EDNRB: variants seen among roughly 807,000 people sequenced by gnomAD.
EDNRB encodes the protein Hirschsprung disease 2.
In EDNRB, 18 loss-of-function variants were observed where a neutral mutation model predicts 46.4. The observed-to-expected ratio is 0.39, with a 90% CI of 0.27 to 0.57. The LOEUF is 0.57. Among genes scored for constraint, EDNRB ranks in the 20% least tolerant of loss-of-function variants. The pLI, the probability that EDNRB is intolerant of heterozygous loss-of-function variation, is 0.61. For synonymous variants in EDNRB, 213 were observed against 204.9 expected (o/e 1.04, Z -0.34); for missense variants, 434 against 537.5 (o/e 0.81, Z 1.90).
At chr13:77,917,413 T>G (rs576454995) in intron 1 of EDNRB, among the ~76,000 whole-genome samples, 1 of 152,334 alleles carries the variant, frequency 6.6e-6, no homozygotes, top group East Asian at 1.9e-4. Flanking sequence ...TGGATCTCTT[T>G]TTTCCAGGCC....
At chr13:77,962,608 A>T (rs139533499) in intron 1 of EDNRB, among the ~76,000 whole-genome samples, 2,172 of 152,314 alleles carry the variant, frequency 0.014, 44 homozygotes, top group East Asian at 0.024. Flanking sequence ...TTAGGTATTG[A>T]TGGGACATAT....
Position 77,896,726 on chromosome 13 carries a change from C to T in EDNRB, c.*1474G>A, listed in dbSNP as rs886050322. On this transcript the variant is annotated 3_prime_UTR_variant, in exon 7 of 7. Transcript: ENST00000646607. Reference sequence around the variant, plus strand: ...TGACGAGGCAATGACGAACGTTAGGCTAAGAATGGGAATCTGTCCCCATGG... The same window carrying T: ...TGACGAGGCAATGACGAACGTTAGGTTAAGAATGGGAATCTGTCCCCATGG... 1.8e-5 allele frequency: 25 copies of T among 1,394,034 alleles called. No individual in the cohort carries two copies. The highest frequency in any genetic ancestry group is 2.8e-5 in the East Asian group (1 of 35,944). 86.4% of individuals were successfully genotyped at this position (1,394,034 alleles called of 1,614,324 possible).
intron 1 of EDNRB, among the ~76,000 whole-genome samples, chr13:77,968,831 G>T (rs1272344610): frequency 6.6e-6 from 1 of 152,078 alleles, no homozygotes; most frequent in African/African-American, 2.4e-5. Flanking sequence ...ATTGTGTACT[G>T]CTCCTTAAAA....
chr13:77,959,478 G>T (rs887525289), intron 1 of EDNRB, among the ~76,000 whole-genome samples: 4 of 152,218 alleles, frequency 2.6e-5, no homozygotes, highest in South Asian at 2.1e-4. Context: ...GCAGCTGAGG[G>T]TCCTGACTGT....
chr13:77,905,563 G>A (rs2137616404), intron 1 of EDNRB, among the ~76,000 whole-genome samples: 1 of 152,042 alleles, frequency 6.6e-6, no homozygotes, highest in Admixed American at 6.6e-5. Flanking sequence ...TTACACTATA[G>A]TGAGGGAGGC....
chr13:77,955,861 CTATCT>C (rs1881222868), intron 1 of EDNRB, among the ~76,000 whole-genome samples: 3 of 151,396 alleles, frequency 2.0e-5, no homozygotes, highest in Non-Finnish European at 2.9e-5. Context: ...ATCTATCTAT[CTATCT>C]ATCTATCTAT....
chr13:77,908,369 T>C (rs1879395790), intron 1 of EDNRB, among the ~76,000 whole-genome samples: 1 of 151,026 alleles, frequency 6.6e-6, no homozygotes, highest in South Asian at 2.1e-4. Context: ...AGCTAGTGCT[T>C]GAAGCTTACC....
intron 1 of EDNRB, among the ~76,000 whole-genome samples, chr13:77,936,367 C>T (rs944630414): frequency 2.6e-5 from 4 of 152,086 alleles, no homozygotes; most frequent in African/African-American, 9.7e-5. Context: ...TCTAAGTTGG[C>T]ACCAGAGTTG....
upstream of EDNRB, among the ~76,000 whole-genome samples, chr13:77,921,259 C>A (rs1880079422): frequency 6.6e-6 from 1 of 152,146 alleles, no homozygotes; most frequent in African/African-American, 2.4e-5. Context: ...TTAAAGTATT[C>A]AGTTATACTT....
chr13:77,900,942 A>C (rs1235895337), intron 4 of EDNRB, 116 bp downstream of exon 4: 13 of 1,275,168 alleles, frequency 1.0e-5, no homozygotes, highest in African/African-American at 1.5e-5. Flanking sequence ...AGAAACAAGA[A>C]AAAGGAAATA....
rs188323117 is a variant in EDNRB at position 77,899,734 on chromosome 13, G to A, written c.1194+125C>T. The stretch of plus-strand genomic sequence containing the variant: ...AGTTGTATTTAAAAAAATCATCCAT[G>A]ATGTAATAAAAGGGAAACTATAAGA... On this transcript the variant is annotated intron_variant, in intron 6 of 6. Coordinates refer to ENST00000646607, the MANE Select transcript of EDNRB (RefSeq NM_001122659.3). 208 of 730,524 alleles carry A rather than the reference G, an allele frequency of 2.8e-4. No individual in the cohort carries two copies. In the African/African-American group the frequency reaches 3.4e-3, roughly 12 times the overall value. The allele number at this position is 730,524 out of a possible 1,614,324, so 45.3% of individuals were successfully genotyped here.
chr13:77,926,605 C>G (rs552539878), intron 1 of EDNRB, among the ~76,000 whole-genome samples: 1 of 152,280 alleles, frequency 6.6e-6, no homozygotes, highest in East Asian at 1.9e-4. Context: ...CAAAGCCATT[C>G]GACAAGTCTC....
intron 1 of EDNRB, among the ~76,000 whole-genome samples, chr13:77,956,784 T>G (rs1881254110): frequency 6.6e-6 from 1 of 152,218 alleles, no homozygotes. Context: ...CATGGCCTCT[T>G]TCTCTGTCTT....
rs752251497 is a variant in EDNRB, at chr13:77,903,325, C to A, written c.632G>T (p.Gly211Val). The change falls in exon 3 of 7, where the codon GGA becomes GTA. Residue 211 changes from glycine to valine, a missense_variant. Gly to Val is a moderately radical substitution (Grantham distance 109). Coordinates refer to ENST00000646607, the MANE Select transcript of EDNRB (RefSeq NM_001122659.3). ...RAVASWSRIK[G>V]IGVPKWTAVE... ...TGCTGTCCATTTTGGAACCCCAATT[C>A]CTTTAATTCTACTCCAAGAAGCAAC... The A allele has an allele frequency of 2.1e-5, 34 of 1,612,764 alleles. No individual in the cohort carries two copies. Among genetic ancestry groups the A allele is most frequent in the Non-Finnish European group, 2.8e-5 (33 of 1,179,360 alleles).
At chr13:77,918,917 C>T, upstream of EDNRB, 1 of 1,213,088 alleles carries the variant, frequency 8.2e-7, no homozygotes, top group Admixed American at 3.9e-5. The surrounding 1 kb of genome is among the most constrained non-coding windows in gnomAD (Gnocchi z 4.5). Context: ...TGATGGGGGT[C>T]CCAGGCAAAG....
At chr13:77,967,398 C>T (rs1594403040) in intron 1 of EDNRB, among the ~76,000 whole-genome samples, 2 of 152,146 alleles carry the variant, frequency 1.3e-5, no homozygotes, top group Admixed American at 1.3e-4. Context: ...TTTCTTTAAA[C>T]CCTGAATTTC....
chr13:77,895,964 A>G lies in EDNRB; in HGVS notation c.*2236T>C, dbSNP rs1303120464. 6.6e-6 allele frequency: 1 copy of G among 152,580 alleles called. No individual in the cohort carries two copies. The highest frequency in any genetic ancestry group is 2.4e-5 in the African/African-American group (1 of 41,468). 9.5% of individuals were successfully genotyped at this position (152,580 alleles called of 1,614,324 possible). A position where few individuals can be genotyped will look rare whatever the true frequency, so the allele number is the denominator to read the frequency against. The stretch of plus-strand genomic sequence containing the variant: ...TAACAATAATTTTGTCTGTTGCTAT[A>G]TTAAAGTCCTTAATACTAGGAAACA... On this transcript the variant is annotated 3_prime_UTR_variant, in exon 7 of 7. Transcript: ENST00000646607.
chr13:77,935,871 G>A (rs1880546390), intron 1 of EDNRB, among the ~76,000 whole-genome samples: 1 of 152,168 alleles, frequency 6.6e-6, no homozygotes, highest in African/African-American at 2.4e-5. Context: ...GAGTATATGG[G>A]TTTGGCACCA....
chr13:77,910,374 T>C (rs190815843), intron 1 of EDNRB, among the ~76,000 whole-genome samples: 10 of 152,138 alleles, frequency 6.6e-5, no homozygotes, highest in Admixed American at 2.0e-4. Flanking sequence ...TCTGTTTTTG[T>C]CTCTGTTTCC....
Sources: gnomAD v4.1 joint callset for allele counts (sites outside exome capture counted in the v4.1 genomes callset) on GRCh38, gnomAD v4.1.1 for gene constraint, Gnocchi (gnomAD v3.1) non-coding constraint, MANE v1.5 for transcripts, NCBI Gene and HGNC (gene_info 2026-07-23, HGNC 2026-07-21) for gene names.